The following CTNNA3 variants were observed in gnomAD, a reference collection of about 807,000 sequenced individuals.
CTNNA3 encodes catenin alpha 3.
Under a neutral mutation model 95.7 loss-of-function variants are expected in CTNNA3, and 76 were observed. The ratio of observed to expected loss-of-function variants is 0.79; its 90% CI spans 0.66 to 0.96. The LOEUF is 0.96. Among genes scored for constraint, CTNNA3 ranks in the 40% least tolerant of loss-of-function variants. The pLI, the probability that CTNNA3 is intolerant of heterozygous loss-of-function variation, is 0.00. For missense variants in CTNNA3, 1,191 were observed against 1,089.8 expected, an observed-to-expected ratio of 1.09 and a Z score of -1.31; for synonymous variants, 431 against 374.4, an observed-to-expected ratio of 1.15 and a Z score of -1.74.
At chr10:67,229,342 T>C (rs10997583) in intron 5 of CTNNA3, among the ~76,000 whole-genome samples, 53,864 of 152,032 alleles carry the variant, frequency 0.35, 14,623 homozygotes, top group African/African-American at 0.76. Context: ...CCATCTATGA[T>C]AAACCCACAG....
At chr10:67,623,887 G>A (rs1843934348) in intron 2 of CTNNA3, among the ~76,000 whole-genome samples, 2 of 152,080 alleles carry the variant, frequency 1.3e-5, no homozygotes, top group South Asian at 4.2e-4. Flanking sequence ...TGCGATCTCG[G>A]CTCACTGCAA....
chr10:67,208,493 A>G (rs1488299101), intron 6 of CTNNA3, among the ~76,000 whole-genome samples: 1 of 152,184 alleles, frequency 6.6e-6, no homozygotes, highest in African/African-American at 2.4e-5. Flanking sequence ...GAATGAAAAT[A>G]GCTAACATCA....
At chr10:67,069,633 G>A (rs1355765879) in intron 7 of CTNNA3, among the ~76,000 whole-genome samples, 2 of 126,376 alleles carry the variant, frequency 1.6e-5, no homozygotes, top group Admixed American at 1.0e-4. Context: ...ACATAGATTA[G>A]TTCTGTCTGT....
At chr10:67,222,152 C>A (rs1430833385) in intron 5 of CTNNA3, among the ~76,000 whole-genome samples, 1 of 152,216 alleles carries the variant, frequency 6.6e-6, no homozygotes, top group South Asian at 2.1e-4. Context: ...TAGTTCCTTC[C>A]CTTCTGAAAA....
intron 4 of CTNNA3, among the ~76,000 whole-genome samples, chr10:67,531,959 G>A (rs1458950642): frequency 6.6e-6 from 1 of 151,928 alleles, no homozygotes; most frequent in African/African-American, 2.4e-5. Flanking sequence ...TTTGCCTGCT[G>A]CCGTCCATGT....
intron 10 of CTNNA3, among the ~76,000 whole-genome samples, chr10:66,563,653 G>T (rs1842619707): frequency 6.6e-6 from 1 of 151,912 alleles, no homozygotes; most frequent in Non-Finnish European, 1.5e-5. Flanking sequence ...TAGTTACAAA[G>T]ATAAAAGGTC....
chr10:67,479,326 C>T (rs1038496070), intron 5 of CTNNA3, among the ~76,000 whole-genome samples: 1 of 152,118 alleles, frequency 6.6e-6, no homozygotes, highest in African/African-American at 2.4e-5. Context: ...ATGGAACATA[C>T]TCTGAGATTG....
At chr10:67,641,184 A>C (rs1362549696) in intron 2 of CTNNA3, among the ~76,000 whole-genome samples, 1 of 152,200 alleles carries the variant, frequency 6.6e-6, no homozygotes, top group Non-Finnish European at 1.5e-5. Flanking sequence ...ACCCCATCAA[A>C]AAGTGGGCAA....
At chr10:67,528,516 T>C (rs1480622093) in intron 4 of CTNNA3, among the ~76,000 whole-genome samples, 2 of 152,126 alleles carry the variant, frequency 1.3e-5, no homozygotes, top group African/African-American at 2.4e-5. Context: ...CATCCTCTTC[T>C]GCAGGTAAAA....
rs892432539 is a variant in CTNNA3 at position 66,258,786 on chromosome 10, C to G, written c.1884+21684G>C. Among the ~76,000 whole-genome samples, 4 of 152,092 alleles carry G rather than the reference C, an allele frequency of 2.6e-5. No individual in the cohort carries two copies. In the South Asian group the frequency reaches 8.3e-4, roughly 32 times the overall value. On this transcript the variant is annotated intron_variant, in intron 13 of 17. Transcript: ENST00000433211. The stretch of plus-strand genomic sequence containing the variant: ...TAAGAAACCTTAAAAATATATTAAC[C>G]CTCCTGGGATCTTATGGCTTTGCTT...
intron 9 of CTNNA3, among the ~76,000 whole-genome samples, chr10:66,630,689 G>A (rs7077544): frequency 0.37 from 56,596 of 151,878 alleles, 11,321 homozygotes; most frequent in African/African-American, 0.48. Context: ...TGTTGGCACC[G>A]AATGACCTCT....
intron 7 of CTNNA3, among the ~76,000 whole-genome samples, chr10:67,009,532 T>A (rs1046566992): frequency 6.6e-6 from 1 of 152,116 alleles, no homozygotes; most frequent in African/African-American, 2.4e-5. Context: ...TTTTTGTTTG[T>A]TTGTTTGTTT....
intron 11 of CTNNA3, among the ~76,000 whole-genome samples, chr10:66,462,059 C>T (rs56107882): frequency 0.049 from 7,489 of 152,102 alleles, 261 homozygotes; most frequent in East Asian, 0.11. Flanking sequence ...ATCCACCCAC[C>T]TCGTCCCCCC....
At chr10:67,351,068 A>G (rs562727632) in intron 5 of CTNNA3, among the ~76,000 whole-genome samples, 2 of 152,048 alleles carry the variant, frequency 1.3e-5, no homozygotes, top group South Asian at 4.1e-4. Flanking sequence ...GATACATGCA[A>G]CAAAGGGATG....
At chr10:66,976,963 C>T (rs1004074254) in intron 7 of CTNNA3, among the ~76,000 whole-genome samples, 6 of 151,952 alleles carry the variant, frequency 3.9e-5, no homozygotes, top group Non-Finnish European at 5.9e-5. Flanking sequence ...CTAGTATGGG[C>T]GAGTTTATTG....
chr10:67,643,380 T>C (rs1839603209), intron 2 of CTNNA3, among the ~76,000 whole-genome samples: 1 of 151,872 alleles, frequency 6.6e-6, no homozygotes, highest in African/African-American at 2.4e-5. Flanking sequence ...AATACCTAGG[T>C]GATGGGATGA....
chr10:66,008,459 G>A (rs1051374142), intron 15 of CTNNA3, among the ~76,000 whole-genome samples: 12 of 152,310 alleles, frequency 7.9e-5, no homozygotes, highest in African/African-American at 2.2e-4. Context: ...GCTGGCATCC[G>A]AAAGGCGTCC....
At chr10:67,022,331 CTCTGTGTGTGTGTGTG>C (rs1184527715) in intron 7 of CTNNA3, among the ~76,000 whole-genome samples, 1 of 151,864 alleles carries the variant, frequency 6.6e-6, no homozygotes, top group African/African-American at 2.4e-5. Flanking sequence ...ACACACATGC[CTCTGTGTGTGTGTGTG>C]TCTGTGTGTG....
At chr10:67,466,871 A>T (rs1251094302) in intron 5 of CTNNA3, among the ~76,000 whole-genome samples, 1 of 152,222 alleles carries the variant, frequency 6.6e-6, no homozygotes, top group Non-Finnish European at 1.5e-5. Context: ...GATCATAGCT[A>T]TGTTATGGTG....
Sources: gnomAD v4.1 joint callset for allele counts (sites outside exome capture counted in the v4.1 genomes callset) on GRCh38, gnomAD v4.1.1 for gene constraint, MANE v1.5 for transcripts, NCBI Gene and HGNC (gene_info 2026-07-23, HGNC 2026-07-21) for gene names.